The following RBM41 variants were observed in gnomAD, a reference collection of about 807,000 sequenced individuals.
The protein encoded by RBM41 is RNA binding motif protein 41.
RBM41 carries 14 observed loss-of-function variants against 30.8 expected under a neutral mutation model. That is an observed-to-expected ratio of 0.45 (90% CI 0.30 to 0.71). RBM41 has a LOEUF of 0.71. Among genes scored for constraint, RBM41 ranks in the 30% least tolerant of loss-of-function variants. RBM41 has a pLI of 0.08. For synonymous variants in RBM41, 120 were observed against 110.1 expected (o/e 1.09, Z -0.56); for missense variants, 276 against 326.3 (o/e 0.85, Z 1.19).
chrX:107,080,220 T>A (rs1240730290), intron 6 of RBM41, among the ~76,000 whole-genome samples: 1 of 110,329 alleles, frequency 9.1e-6, no homozygotes, highest in Non-Finnish European at 1.9e-5. Context: ...CCAAAGAGGT[T>A]GTATTACCAC....
intron 1 of RBM41, among the ~76,000 whole-genome samples, chrX:107,118,482 C>T (rs1328324887): frequency 9.0e-6 from 1 of 110,852 alleles, no homozygotes; most frequent in Non-Finnish European, 1.9e-5. Context: ...CCAGCTGGGT[C>T]CGGGTGAAAC....
At chrX:107,084,872 C>T (rs1921875637) in intron 6 of RBM41, among the ~76,000 whole-genome samples, 1 of 112,341 alleles carries the variant, frequency 8.9e-6, no homozygotes, top group Non-Finnish European at 1.9e-5. Flanking sequence ...CTTCTAAGGA[C>T]TTCACATGTT....
chrX:107,077,573 A>AACACACACACACACACACACACACAC (rs35841168), intron 6 of RBM41, among the ~76,000 whole-genome samples: 1 of 92,675 alleles, frequency 1.1e-5, no homozygotes, highest in Non-Finnish European at 2.1e-5. Context: ...CAACATACAT[A>AACACACACACACACACACACACACAC]ACACACACAC....
At chrX:107,054,987 C>G in the RBM41 span, among the ~76,000 whole-genome samples, 1 of 112,358 alleles carries the variant, frequency 8.9e-6, no homozygotes, top group African/African-American at 3.2e-5. Context: ...ACTGGGTAAC[C>G]ATTAAGCAGT....
In RBM41 at chrX:107,118,748, C is replaced by T; in HGVS notation, c.8+18G>A. The T allele has an allele frequency of 8.3e-7, 1 of 1,211,952 alleles. No homozygotes were observed. The highest frequency in any genetic ancestry group is 2.2e-5 in the Admixed American group (1 of 46,110). On this transcript the variant is annotated intron_variant, in intron 1 of 7. Coordinates refer to ENST00000685964, the MANE Select transcript of RBM41 (RefSeq NM_001324242.2). The stretch of plus-strand genomic sequence containing the variant: ...AACAAAGCTCCCCTTGCCGCCTGCT[C>T]TTCAGACAAGTCCTTACCTCTTCAT...
chrX:107,080,052 T>A (rs1000705927), intron 6 of RBM41, among the ~76,000 whole-genome samples: 1 of 111,560 alleles, frequency 9.0e-6, no homozygotes, highest in Admixed American at 9.6e-5. Context: ...CTGCTTCCGG[T>A]TTTTGGCAAT....
intron 3 of RBM41, 82 bp downstream of exon 3, chrX:107,115,780 G>A: frequency 4.7e-6 from 5 of 1,055,719 alleles, no homozygotes; most frequent in Non-Finnish European, 2.5e-6. Flanking sequence ...GAAATGAAAA[G>A]GCTCTCAGTG....
chrX:107,115,563 C>T lies in RBM41; in HGVS notation c.319-7G>A, dbSNP rs757561569. On this transcript the variant is annotated splice_polypyrimidine_tract_variant and splice_region_variant and intron_variant, in intron 3 of 7. Transcript: ENST00000685964. Reference sequence around the variant, plus strand: ...TTGCCCTCAGTTTTGTCTTCTGAAACCAGAGGAATGAGATGGCATGTATCA... The same window carrying T: ...TTGCCCTCAGTTTTGTCTTCTGAAATCAGAGGAATGAGATGGCATGTATCA... 8.4e-7 allele frequency: 1 copy of T among 1,194,366 alleles called. No individual in the cohort carries two copies. The highest frequency in any genetic ancestry group is 3.0e-5 in the East Asian group (1 of 33,643).
intron 6 of RBM41, among the ~76,000 whole-genome samples, chrX:107,082,361 T>C (rs1488955870): frequency 8.9e-6 from 1 of 112,075 alleles, no homozygotes; most frequent in Non-Finnish European, 1.9e-5. Context: ...GAATAAATCA[T>C]ACTTGATCAT....
intron 6 of RBM41, among the ~76,000 whole-genome samples, chrX:107,073,138 C>T (rs1936123306): frequency 9.0e-6 from 1 of 111,664 alleles, no homozygotes; most frequent in Admixed American, 9.5e-5. Context: ...CAAAAATAAA[C>T]AAACGGGATT....
intron 6 of RBM41, among the ~76,000 whole-genome samples, chrX:107,082,000 C>T (rs1267427054): frequency 1.8e-5 from 2 of 111,735 alleles, no homozygotes. Flanking sequence ...AATCTGTATA[C>T]TTTTAATTTC....
At chrX:107,074,259 A>G (rs182318480) in intron 6 of RBM41, among the ~76,000 whole-genome samples, 95 of 111,409 alleles carry the variant, frequency 8.5e-4, no homozygotes, top group African/African-American at 2.9e-3. Context: ...TTATATGTCA[A>G]TTAAAAAACT....
intron 6 of RBM41, among the ~76,000 whole-genome samples, chrX:107,078,777 A>C (rs1921233793): frequency 9.2e-6 from 1 of 109,140 alleles, no homozygotes; most frequent in African/African-American, 3.3e-5. Context: ...GATTTAAGAT[A>C]ATGATTTATT....
chrX:107,098,633 C>T (rs1007655636), intron 5 of RBM41, among the ~76,000 whole-genome samples: 1 of 111,779 alleles, frequency 8.9e-6, no homozygotes, highest in African/African-American at 3.3e-5. Context: ...CTTTATACCA[C>T]ATACATAAAT....
At chrX:107,060,002 A>G (rs1935614435), downstream of RBM41, among the ~76,000 whole-genome samples, 1 of 110,840 alleles carries the variant, frequency 9.0e-6, no homozygotes, top group Non-Finnish European at 1.9e-5. Flanking sequence ...TAGGGAAAAA[A>G]CAAGATGAGC....
rs531100978 is a variant in RBM41, at chrX:107,100,364, C to T, written c.596-11525G>A. Among the ~76,000 whole-genome samples, 3 of 109,956 alleles carry T rather than the reference C, an allele frequency of 2.7e-5. No homozygotes were observed. In the South Asian group the frequency reaches 1.2e-3, roughly 43 times the overall value. ...AAAATTAGCCAGGGGTGATGGCAAACGTCTGTAATCCCAGCTACTCGGAAG... is the reference window on the plus strand; with the variant it reads ...AAAATTAGCCAGGGGTGATGGCAAATGTCTGTAATCCCAGCTACTCGGAAG... On this transcript the variant is annotated intron_variant, in intron 5 of 7. Coordinates refer to ENST00000685964, the MANE Select transcript of RBM41 (RefSeq NM_001324242.2).
In RBM41 at chrX:107,086,384, C is replaced by T. The variant is rs181709666; in HGVS notation, c.999+2052G>A. On this transcript the variant is annotated intron_variant, in intron 6 of 7. Coordinates refer to ENST00000685964, the MANE Select transcript of RBM41 (RefSeq NM_001324242.2). The stretch of plus-strand genomic sequence containing the variant: ...ATTCTCAGGCCCCACTCCAGATCTA[C>T]TGAGTCAAAATTTCTGGGGGTGGAG... Among the ~76,000 whole-genome samples the T allele has an allele frequency of 3.6e-5, 4 of 110,882 alleles. No homozygotes were observed. In the East Asian group the frequency reaches 1.1e-3, roughly 31 times the overall value.
In RBM41 at chrX:107,062,168, C is replaced by A. The variant is rs781101968; in HGVS notation, c.*5359G>T. On this transcript the variant is annotated 3_prime_UTR_variant, in exon 8 of 8. Transcript: ENST00000685964. ...ATGAATGGAATCAAACAGTAAGCAG[C>A]CTTTTGAGTTTGGCTTCTTTTACTT... Among the ~76,000 whole-genome samples, 2 of 111,923 alleles carry A rather than the reference C, an allele frequency of 1.8e-5. No homozygotes were observed. The highest frequency in any genetic ancestry group is 3.8e-5 in the Non-Finnish European group (2 of 53,187).
At chrX:107,073,524 T>C (rs1008874574) in intron 6 of RBM41, among the ~76,000 whole-genome samples, 19 of 111,762 alleles carry the variant, frequency 1.7e-4, no homozygotes, top group African/African-American at 6.2e-4. Context: ...AAGCAAATTA[T>C]TACAGACTGT....
Sources: allele counts gnomAD v4.1 joint callset (sites outside exome capture counted in the v4.1 genomes callset), GRCh38; gene constraint gnomAD v4.1.1; transcripts MANE v1.5; gene names NCBI Gene and HGNC (gene_info 2026-07-23, HGNC 2026-07-21).